The following FSTL5 variants were observed in gnomAD, a reference collection of about 807,000 sequenced individuals.
The protein encoded by FSTL5 is follistatin-related protein 5.
A neutral mutation model predicts 89.1 loss-of-function variants in FSTL5; 62 were observed. The ratio of observed to expected loss-of-function variants is 0.70; its 90% CI spans 0.57 to 0.86. FSTL5 has a LOEUF of 0.86. FSTL5 is among the 40% of genes least tolerant of loss of function. The pLI, the probability that FSTL5 is intolerant of heterozygous loss-of-function variation, is 0.00. For missense variants in FSTL5, 1,057 were observed against 1,001.6 expected (o/e 1.06, Z -0.75); for synonymous variants, 383 against 346.2 (o/e 1.11, Z -1.18).
intron 4 of FSTL5, among the ~76,000 whole-genome samples, chr4:161,838,574 G>A (rs1731120025): frequency 6.6e-6 from 1 of 152,238 alleles, no homozygotes; most frequent in East Asian, 1.9e-4. Context: ...GTGAGCCACC[G>A]TGCCTGGCCT....
chr4:161,620,132 T>C (rs530769744), intron 7 of FSTL5, among the ~76,000 whole-genome samples: 1 of 134,482 alleles, frequency 7.4e-6, no homozygotes, highest in South Asian at 2.3e-4. Context: ...AGGTGGGAAT[T>C]GAACAATGAG....
chr4:161,642,742 T>TA (rs1736007496), intron 7 of FSTL5, among the ~76,000 whole-genome samples: 1 of 152,096 alleles, frequency 6.6e-6, no homozygotes, highest in African/African-American at 2.4e-5. Context: ...ATGAACTACT[T>TA]AGAGTATGCA....
intron 3 of FSTL5, among the ~76,000 whole-genome samples, chr4:161,993,424 C>T (rs1228053459): frequency 6.6e-6 from 1 of 151,220 alleles, no homozygotes; most frequent in Admixed American, 6.6e-5. Flanking sequence ...AATTCATATC[C>T]TTTTGAGAAG....
chr4:162,156,195 C>A (rs1014608147), intron 1 of FSTL5, among the ~76,000 whole-genome samples: 1 of 152,060 alleles, frequency 6.6e-6, no homozygotes, highest in Non-Finnish European at 1.5e-5. Context: ...CAGTAAGACA[C>A]CATCTCGCAC....
chr4:161,995,660 T>G (rs190177407), intron 3 of FSTL5, among the ~76,000 whole-genome samples: 8,346 of 152,232 alleles, frequency 0.055, 259 homozygotes, highest in Non-Finnish European at 0.077. Flanking sequence ...GTATACATTA[T>G]GATATGGGTC....
At chr4:161,601,171 C>T (rs1162995443) in intron 7 of FSTL5, among the ~76,000 whole-genome samples, 1 of 152,022 alleles carries the variant, frequency 6.6e-6, no homozygotes, top group African/African-American at 2.4e-5. Context: ...TCACAATTTG[C>T]TCTTCAGAAA....
intron 4 of FSTL5, among the ~76,000 whole-genome samples, chr4:161,833,896 T>C (rs1410971891): frequency 6.6e-6 from 1 of 152,106 alleles, no homozygotes; most frequent in Non-Finnish European, 1.5e-5. Context: ...AAGTTAATAT[T>C]GTGATGTGTG....
intron 4 of FSTL5, among the ~76,000 whole-genome samples, chr4:161,825,059 A>G (rs867099300): frequency 6.6e-6 from 1 of 152,142 alleles, no homozygotes; most frequent in Non-Finnish European, 1.5e-5. Flanking sequence ...ACATTAAAGT[A>G]TGTCCCTTCT....
At chr4:161,573,266 C>T (rs1034886398) in intron 8 of FSTL5, among the ~76,000 whole-genome samples, 3 of 151,768 alleles carry the variant, frequency 2.0e-5, no homozygotes, top group Non-Finnish European at 4.4e-5. Flanking sequence ...AAAAATTAGC[C>T]AAGTGTGCTG....
intron 7 of FSTL5, among the ~76,000 whole-genome samples, chr4:161,623,946 T>C (rs780658411): frequency 9.2e-5 from 14 of 152,052 alleles, no homozygotes; most frequent in South Asian, 2.1e-4. Flanking sequence ...GAAATTTATA[T>C]AGTTCTTAGC....
chr4:161,698,357 T>A (rs912848112), intron 6 of FSTL5, among the ~76,000 whole-genome samples: 43 of 152,144 alleles, frequency 2.8e-4, no homozygotes, highest in African/African-American at 9.4e-4. Context: ...TATTAGAGAC[T>A]GAAGTGGCTG....
chr4:161,705,835 G>A (rs1579035845), intron 6 of FSTL5, among the ~76,000 whole-genome samples: 1 of 148,894 alleles, frequency 6.7e-6, no homozygotes, highest in Non-Finnish European at 1.5e-5. Context: ...AAACTTGGGA[G>A]GATCACTTGA....
At chr4:161,531,931 G>A (rs920752595) in intron 10 of FSTL5, among the ~76,000 whole-genome samples, 10 of 152,120 alleles carry the variant, frequency 6.6e-5, no homozygotes, top group African/African-American at 1.7e-4. Flanking sequence ...AGGGCCGGGC[G>A]TGGTGGCTCA....
intron 6 of FSTL5, among the ~76,000 whole-genome samples, chr4:161,658,335 T>C (rs1736591608): frequency 6.6e-6 from 1 of 151,950 alleles, no homozygotes; most frequent in Non-Finnish European, 1.5e-5. Flanking sequence ...GGCTCACGCC[T>C]GTAGTCCCTG....
chr4:161,411,278 T>C (rs1197514167), intron 15 of FSTL5, among the ~76,000 whole-genome samples: 1 of 151,974 alleles, frequency 6.6e-6, no homozygotes, highest in Non-Finnish European at 1.5e-5. Flanking sequence ...CTGATACTAA[T>C]CCTACTAAAA....
intron 3 of FSTL5, among the ~76,000 whole-genome samples, chr4:161,928,765 G>A (rs1734198350): frequency 1.3e-5 from 2 of 151,634 alleles, no homozygotes; most frequent in South Asian, 4.1e-4. Context: ...TTATTGTGAA[G>A]GTTTAAGAAT....
chr4:162,042,325 G>A (rs1737996514), intron 2 of FSTL5, among the ~76,000 whole-genome samples: 2 of 152,068 alleles, frequency 1.3e-5, no homozygotes, highest in South Asian at 4.1e-4. Context: ...GATCATGTAT[G>A]TTCAAATCCA....
At chr4:161,812,161 A>C (rs1042522406) in intron 4 of FSTL5, among the ~76,000 whole-genome samples, 11 of 152,352 alleles carry the variant, frequency 7.2e-5, no homozygotes, top group Admixed American at 5.9e-4. Context: ...CATTTTAGGC[A>C]ACATTAGTTC....
At chr4:161,495,282 T>C (rs910125482) in intron 12 of FSTL5, 6 of 152,114 alleles carry the variant, frequency 3.9e-5, no homozygotes, top group Non-Finnish European at 8.8e-5. Context: ...AAAAGAGTGA[T>C]AGATAAGGAT....
Sources: gnomAD v4.1 joint callset for allele counts (sites outside exome capture counted in the v4.1 genomes callset) on GRCh38, gnomAD v4.1.1 for gene constraint, MANE v1.5 for transcripts, NCBI Gene and HGNC (gene_info 2026-07-23, HGNC 2026-07-21) for gene names.